Variants in AGBL4 observed in about 807,000 individuals in gnomAD.
AGBL4 encodes the protein AGBL carboxypeptidase 4.
AGBL4 carries 58 observed loss-of-function variants against 66.4 expected under a neutral mutation model. The ratio of observed to expected loss-of-function variants is 0.87; its 90% CI spans 0.71 to 1.09. AGBL4 has a LOEUF of 1.09. AGBL4 is among the 50% of genes least tolerant of loss of function. The pLI, the probability that AGBL4 is intolerant of heterozygous loss-of-function variation, is 0.00. For synonymous variants in AGBL4, 234 were observed against 222.9 expected (o/e 1.05, Z -0.44); for missense variants, 579 against 631.0 (o/e 0.92, Z 0.88).
intron 4 of AGBL4, among the ~76,000 whole-genome samples, chr1:49,108,620 C>T (rs973684884): frequency 2.6e-5 from 4 of 152,150 alleles, no homozygotes; most frequent in African/African-American, 9.7e-5. Context: ...GAGGCCTCAT[C>T]TCTTTGCACT....
rs75978740 is a variant in AGBL4, at chr1:48,848,580, C to T, written c.634+18611G>A. On this transcript the variant is annotated intron_variant, in intron 6 of 13. Transcript: ENST00000371839. ...CTCTATAATACAACATTTTTTTTTC[C>T]GAAAGAAATGAAAGGGCATTGAAAT... Among the ~76,000 whole-genome samples, 36 of 151,542 alleles carry T rather than the reference C, an allele frequency of 2.4e-4. No homozygotes were observed. In the East Asian group the frequency reaches 6.6e-3, roughly 28 times the overall value.
In AGBL4 at chr1:48,587,142, C is replaced by T. The variant is rs376232765; in HGVS notation, c.1129G>A (p.Ala377Thr). 393 of 1,557,052 alleles carry T rather than the reference C, an allele frequency of 2.5e-4. 3 individuals carry two copies. In the South Asian group the frequency reaches 4.3e-3, roughly 17 times the overall value. The change falls in exon 11 of 14, where the codon GCT (alanine) becomes ACT (threonine). Residue 377 changes from alanine (A) to threonine (T), a missense_variant. By Grantham distance (58) the Ala-to-Thr change is moderately conservative. Transcript: ENST00000371839. ...SYSSTSFNRD[A>T]VKAGTGRRFL... ...CGACGGCCAGTTCCTGCTTTCACAGCGTCCCGGTTAAAGGATGTGCTGGAC... is the reference window on the plus strand; with the variant it reads ...CGACGGCCAGTTCCTGCTTTCACAGTGTCCCGGTTAAAGGATGTGCTGGAC...
chr1:48,745,716 G>A (rs759076643), intron 6 of AGBL4, among the ~76,000 whole-genome samples: 2 of 152,178 alleles, frequency 1.3e-5, no homozygotes, highest in Non-Finnish European at 2.9e-5. Flanking sequence ...TCAAAGACTA[G>A]TAAATAATTA....
chr1:49,237,487 C>A (rs1650852292), intron 4 of AGBL4, among the ~76,000 whole-genome samples: 2 of 113,574 alleles, frequency 1.8e-5, no homozygotes, highest in African/African-American at 3.2e-5. Context: ...TAGAGTCACT[C>A]ATCCTTTTTT....
chr1:48,726,067 C>T lies in AGBL4; in HGVS notation c.635-62826G>A, dbSNP rs570070357. ...GAAACAAGGCCCAGAGGTCAAGTGA[C>T]CTGCTTGGAAGTGGCGAATCCAGGA... On this transcript the variant is annotated intron_variant, in intron 6 of 13. Transcript: ENST00000371839. Among the ~76,000 whole-genome samples the T allele has an allele frequency of 2.0e-5, 3 of 152,200 alleles. No individual in the cohort carries two copies. The South Asian group carries it at 6.2e-4, about 32-fold the overall frequency.
chr1:49,037,709 T>C (rs1664776190), intron 5 of AGBL4, among the ~76,000 whole-genome samples: 1 of 152,080 alleles, frequency 6.6e-6, no homozygotes, highest in Non-Finnish European at 1.5e-5. Flanking sequence ...ACTACTTGTA[T>C]TATACCAGAT....
intron 4 of AGBL4, among the ~76,000 whole-genome samples, chr1:49,132,689 A>G (rs766602321): frequency 5.9e-5 from 9 of 152,220 alleles, no homozygotes; most frequent in Non-Finnish European, 1.0e-4. Context: ...CCACAATGAG[A>G]TACCATCTAA....
chr1:49,874,529 TAA>T (rs1646925572), intron 1 of AGBL4, among the ~76,000 whole-genome samples: 3 of 152,132 alleles, frequency 2.0e-5, no homozygotes, highest in African/African-American at 7.2e-5. Context: ...GTCATAGAAT[TAA>T]GTCTACTTAT....
chr1:48,681,529 C>G (rs1425117555), intron 6 of AGBL4, among the ~76,000 whole-genome samples: 1 of 152,162 alleles, frequency 6.6e-6, no homozygotes, highest in Admixed American at 6.5e-5. Context: ...GACTCCAGAG[C>G]CCTCAGTGGC....
intron 6 of AGBL4, among the ~76,000 whole-genome samples, chr1:48,739,206 G>A (rs1018602573): frequency 1.3e-5 from 2 of 152,190 alleles, no homozygotes; most frequent in Admixed American, 1.3e-4. Flanking sequence ...GCCACCGACT[G>A]GCCTTTGCCT....
intron 3 of AGBL4, among the ~76,000 whole-genome samples, chr1:49,525,663 C>G (rs1010976523): frequency 2.6e-5 from 4 of 151,932 alleles, no homozygotes; most frequent in African/African-American, 4.8e-5. Context: ...AAAGAAGCAC[C>G]CTGCTCACCA....
chr1:48,860,376 T>A (rs114693910), intron 6 of AGBL4, among the ~76,000 whole-genome samples: 1,733 of 152,328 alleles, frequency 0.011, 31 homozygotes, highest in African/African-American at 0.04. Flanking sequence ...AGCTCAAATG[T>A]ACAGAAATGC....
chr1:49,093,978 G>C (rs1293776081), intron 4 of AGBL4, among the ~76,000 whole-genome samples: 1 of 152,170 alleles, frequency 6.6e-6, no homozygotes, highest in Non-Finnish European at 1.5e-5. Context: ...GAAATATTGT[G>C]TTTAAAGAAA....
chr1:49,179,172 TTAA>T (rs1273513485), intron 4 of AGBL4, among the ~76,000 whole-genome samples: 2 of 152,162 alleles, frequency 1.3e-5, no homozygotes, highest in South Asian at 2.1e-4. Flanking sequence ...GGTTGCAGTA[TTAA>T]TAATAGTTTG....
At chr1:49,319,334 A>C (rs1645092336) in intron 3 of AGBL4, among the ~76,000 whole-genome samples, 2 of 152,222 alleles carry the variant, frequency 1.3e-5, no homozygotes, top group South Asian at 4.1e-4. Flanking sequence ...TCATATAAAA[A>C]TTAAAATAGG....
At chr1:48,538,677 T>C (rs776563727) in intron 12 of AGBL4, among the ~76,000 whole-genome samples, 22 of 152,196 alleles carry the variant, frequency 1.4e-4, no homozygotes, top group Non-Finnish European at 2.9e-4. Context: ...ACAATGTCTA[T>C]GAGGAATAAA....
intron 2 of AGBL4, chr1:49,846,306 A>C: frequency 6.6e-7 from 1 of 1,525,510 alleles, no homozygotes. Context: ...TGGAGGATCC[A>C]CACAGGAGAG....
chr1:49,979,751 G>C (rs1310835411), intron 1 of AGBL4, among the ~76,000 whole-genome samples: 1 of 152,098 alleles, frequency 6.6e-6, no homozygotes, highest in Non-Finnish European at 1.5e-5. Flanking sequence ...TCTTCGTTTA[G>C]TGCAATACCA....
intron 5 of AGBL4, among the ~76,000 whole-genome samples, chr1:48,988,469 T>C (rs561163362): frequency 1.1e-4 from 16 of 152,136 alleles, no homozygotes; most frequent in African/African-American, 3.9e-4. Flanking sequence ...GTTCACAGCT[T>C]CTGGGAGAAA....
Sources: gnomAD v4.1 joint callset for allele counts (sites outside exome capture counted in the v4.1 genomes callset) on GRCh38, gnomAD v4.1.1 for gene constraint, MANE v1.5 for transcripts, NCBI Gene and HGNC (gene_info 2026-07-23, HGNC 2026-07-21) for gene names.